The following ARHGEF11 variants were observed in gnomAD, a reference collection of about 807,000 sequenced individuals.
ARHGEF11 encodes the protein Rho guanine nucleotide exchange factor 11, also known as Rho guanine exchange factor (GEF) 11.
A neutral mutation model predicts 193.7 loss-of-function variants in ARHGEF11; 55 were observed. The observed-to-expected ratio is 0.28, with a 90% confidence interval of 0.23 to 0.36. The LOEUF (loss-of-function observed/expected upper bound fraction) is 0.36, where lower values mean the gene tolerates loss of function less well. Ranked by LOEUF, ARHGEF11 falls within the 10% of genes least tolerant of loss-of-function variation. The pLI is 1.00. For missense variants in ARHGEF11, 1,723 were observed against 2,005.6 expected, an observed-to-expected ratio of 0.86 and a Z score of 2.69; for synonymous variants, 693 against 768.0, an observed-to-expected ratio of 0.90 and a Z score of 1.62.
chr1:156,997,050 G>A (rs946132522), intron 1 of ARHGEF11, among the ~76,000 whole-genome samples: 2 of 147,736 alleles, frequency 1.4e-5, no homozygotes, highest in African/African-American at 5.0e-5. Flanking sequence ...TTTTTTTTTT[G>A]TAGAGATGGG....
chr1:157,004,415 C>T (rs1184136589), intron 1 of ARHGEF11, among the ~76,000 whole-genome samples: 3 of 152,200 alleles, frequency 2.0e-5, no homozygotes, highest in Non-Finnish European at 4.4e-5. Flanking sequence ...ATTTCCAGGA[C>T]GTGCTGGCTC....
intron 4 of ARHGEF11, among the ~76,000 whole-genome samples, 153 bp downstream of exon 4, chr1:156,980,284 C>T (rs1663932169): frequency 6.6e-6 from 1 of 152,240 alleles, no homozygotes; most frequent in African/African-American, 2.4e-5. Flanking sequence ...TCATGCTATA[C>T]CACTGTGCTC....
intron 1 of ARHGEF11, among the ~76,000 whole-genome samples, chr1:157,024,100 A>AT (rs967896417): frequency 5.8e-4 from 6 of 10,310 alleles, no homozygotes; most frequent in Non-Finnish European, 4.0e-3. Context: ...ATTAATTGGC[A>AT]TAAAAAAATG....
intron 1 of ARHGEF11, among the ~76,000 whole-genome samples, chr1:157,035,672 T>C (rs1230277984): frequency 6.6e-6 from 1 of 151,474 alleles, no homozygotes; most frequent in Non-Finnish European, 1.5e-5. Context: ...GGGGCTCACT[T>C]AAAGTCCTAT....
intron 34 of ARHGEF11, 127 bp from the exon 35 acceptor site, chr1:156,941,560 G>A: frequency 1.8e-6 from 2 of 1,094,280 alleles, no homozygotes; most frequent in Non-Finnish European, 2.7e-6. Context: ...TGGTCTGCTT[G>A]GCAACCCAGA....
At chr1:156,994,680 C>T (rs1320813354) in intron 1 of ARHGEF11, among the ~76,000 whole-genome samples, 3 of 152,080 alleles carry the variant, frequency 2.0e-5, no homozygotes, top group Admixed American at 6.5e-5. Flanking sequence ...GGTTCCACAT[C>T]GAATATTCAG....
intron 7 of ARHGEF11, among the ~76,000 whole-genome samples, chr1:156,974,532 C>T (rs186251757): frequency 8.5e-5 from 13 of 152,260 alleles, no homozygotes; most frequent in African/African-American, 2.2e-4. Context: ...ATGACATAAA[C>T]GTCACCATTT....
intron 2 of ARHGEF11, among the ~76,000 whole-genome samples, chr1:156,985,289 T>C (rs75499419): frequency 0.027 from 4,087 of 152,334 alleles, 70 homozygotes; most frequent in South Asian, 0.054. Context: ...CTAGTTTCTA[T>C]GTTGATGTAC....
At chr1:156,999,003 A>G (rs1412417936) in intron 1 of ARHGEF11, among the ~76,000 whole-genome samples, 1 of 152,216 alleles carries the variant, frequency 6.6e-6, no homozygotes, top group Non-Finnish European at 1.5e-5. Flanking sequence ...GGTGGAGAGC[A>G]AAGCCACAGG....
At chr1:156,993,221 G>C (rs1252628733) in intron 1 of ARHGEF11, among the ~76,000 whole-genome samples, 1 of 152,148 alleles carries the variant, frequency 6.6e-6, no homozygotes, top group Non-Finnish European at 1.5e-5. Context: ...CAAGGTCTGT[G>C]CTCCTAAATA....
At chr1:156,975,576 T>C (rs569443242) in intron 7 of ARHGEF11, among the ~76,000 whole-genome samples, 2 of 152,352 alleles carry the variant, frequency 1.3e-5, no homozygotes, top group South Asian at 4.1e-4. Context: ...AACTATTTTT[T>C]TGGGGGGAGG....
rs535387449 is a variant in ARHGEF11 at position 157,028,318 on chromosome 1, A to G, written c.32+15981T>C. ...GCTGACATTTATTGAATTCTTAACT[A>G]CATCAGGTATTTTGCTAAGCACTTC... On this transcript the variant is annotated intron_variant, in intron 1 of 40. Coordinates refer to ENST00000368194, the MANE Select transcript of ARHGEF11 (RefSeq NM_198236.3). Among the ~76,000 whole-genome samples the G allele has an allele frequency of 1.2e-4, 19 of 152,324 alleles. No individual in the cohort carries two copies. The South Asian group carries it at 3.1e-3, about 25-fold the overall frequency.
chr1:156,948,755 G>A lies in ARHGEF11; in HGVS notation c.1926-257C>T. 2 of 1,428,878 alleles carry A rather than the reference G, an allele frequency of 1.4e-6. No homozygotes were observed. The highest frequency in any genetic ancestry group is 1.8e-6 in the Non-Finnish European group (2 of 1,085,830). The allele number at this position is 1,428,878 out of a possible 1,614,324, so 88.5% of individuals were successfully genotyped here. ...CATCTTCCTCTGGAGCTATTAGGAA[G>A]GGATCCTAACAGGAAGATGAAATCT... On this transcript the variant is annotated intron_variant, in intron 22 of 40. Transcript: ENST00000368194. The surrounding 1 kb of genome is among the most constrained non-coding windows in gnomAD (Gnocchi z 4.2).
At chr1:156,947,474 G>A (rs907690275) in intron 25 of ARHGEF11, 24 bp from the exon 26 acceptor site, 2 of 1,570,334 alleles carry the variant, frequency 1.3e-6, no homozygotes, top group Non-Finnish European at 1.7e-6. Context: ...GTGACAAGGA[G>A]GGTAGAAAGC....
At position 156,935,919 on chromosome 1, in the gene ARHGEF11, AT is replaced by A; in HGVS notation, c.*80del. On this transcript the variant is annotated 3_prime_UTR_variant, in exon 41 of 41. Transcript: ENST00000368194. ...CTCCTCCACAGGGAGGAGTGTTGGG[AT>A]CCCCCCTACCCTGTGCCCCGGTCTC... The A allele has an allele frequency of 1.4e-6, 2 of 1,456,074 alleles. No individual in the cohort carries two copies. Among genetic ancestry groups the A allele is most frequent in the Non-Finnish European group, 1.9e-6 (2 of 1,072,134 alleles). The allele number at this position is 1,456,074 out of a possible 1,614,324, so 90.2% of individuals were successfully genotyped here. A position where few individuals can be genotyped will look rare whatever the true frequency, so the allele number is the denominator to read the frequency against.
intron 31 of ARHGEF11, 33 bp downstream of exon 31, chr1:156,944,325 G>C: frequency 6.2e-7 from 1 of 1,609,466 alleles, no homozygotes; most frequent in Non-Finnish European, 8.5e-7. Flanking sequence ...CCCACTACAG[G>C]TTCCTGCTCA....
In ARHGEF11 at chr1:156,956,542, T is replaced by G. The variant is rs768881890; in HGVS notation, c.1549A>C (p.Asn517His). The change falls in exon 19 of 41, where the codon AAT (asparagine) becomes CAT (histidine). Residue 517 changes from asparagine (N) to histidine (H), a missense_variant. Asn to His is a moderately conservative substitution (Grantham distance 68, BLOSUM62 1). Coordinates refer to ENST00000368194, the MANE Select transcript of ARHGEF11 (RefSeq NM_198236.3). ...ATCCCAGCATGGCTCATGTAGGTAT[T>G]GAGGGCGAAGTCCATGGGGGCGCTG... ...DRSAPMDFAL[N>H]TYMSHAGIRL... is the part of the protein sequence containing the mutation. The G allele has an allele frequency of 1.2e-6, 2 of 1,614,154 alleles. No individual in the cohort carries two copies. The highest frequency in any genetic ancestry group is 1.7e-6 in the Non-Finnish European group (2 of 1,180,016).
chr1:156,975,076 G>A (rs1663069299), intron 7 of ARHGEF11, among the ~76,000 whole-genome samples: 1 of 152,170 alleles, frequency 6.6e-6, no homozygotes, highest in Non-Finnish European at 1.5e-5. Context: ...TTCATGTTCT[G>A]AAGTACTGTC....
At chr1:157,029,829 C>T (rs2102992481) in intron 1 of ARHGEF11, among the ~76,000 whole-genome samples, 1 of 152,272 alleles carries the variant, frequency 6.6e-6, no homozygotes, top group Non-Finnish European at 1.5e-5. Context: ...GAATGAAGTA[C>T]TTATACACAC....
Sources: gnomAD v4.1 joint callset for allele counts (sites outside exome capture counted in the v4.1 genomes callset) on GRCh38, gnomAD v4.1.1 for gene constraint, Gnocchi (gnomAD v3.1) non-coding constraint, MANE v1.5 for transcripts, NCBI Gene and HGNC (gene_info 2026-07-23, HGNC 2026-07-21) for gene names.